Variants in ZNF420 observed in about 807,000 individuals in gnomAD.
ZNF420 encodes the protein ATM and p53-associated KZNF protein.
A neutral mutation model predicts 44.7 loss-of-function variants in ZNF420; 31 were observed. The observed-to-expected ratio is 0.69, with a 90% CI of 0.52 to 0.94. The LOEUF (loss-of-function observed/expected upper bound fraction) is 0.94. Ranked by LOEUF, ZNF420 falls within the 40% of genes least tolerant of loss-of-function variation. The pLI is 0.00. For synonymous variants in ZNF420, 245 were observed against 267.4 expected, an observed-to-expected ratio of 0.92 and a Z score of 0.82; for missense variants, 681 against 827.9, an observed-to-expected ratio of 0.82 and a Z score of 2.18.
chr19:37,075,289 TTC>T, upstream of ZNF420: 1 of 152,342 alleles, frequency 6.6e-6, no homozygotes, highest in Non-Finnish European at 1.5e-5. Context: ...TACTATTCCC[TTC>T]TCTCTGCAGT....
intron 1 of ZNF420, among the ~76,000 whole-genome samples, chr19:37,051,204 G>A (rs1967633310): frequency 6.6e-6 from 1 of 151,938 alleles, no homozygotes; most frequent in South Asian, 2.1e-4. Flanking sequence ...GTCTCTGCCA[G>A]GCTTTGGTAT....
chr19:37,034,997 G>A (rs961078801), intron 1 of ZNF420, among the ~76,000 whole-genome samples: 8 of 152,170 alleles, frequency 5.3e-5, no homozygotes, highest in Non-Finnish European at 1.0e-4. Flanking sequence ...GAAGACCCTC[G>A]CTTACCCTGA....
At chr19:37,012,443 G>A (rs371026422) in intron 1 of ZNF420, among the ~76,000 whole-genome samples, 4 of 152,192 alleles carry the variant, frequency 2.6e-5, no homozygotes, top group African/African-American at 9.7e-5. Flanking sequence ...CTTGGGTGTC[G>A]GGGCCCTGAG....
chr19:37,035,196 A>C (rs190735158), intron 1 of ZNF420, among the ~76,000 whole-genome samples: 25 of 152,296 alleles, frequency 1.6e-4, no homozygotes, highest in Admixed American at 1.6e-3. Context: ...AATTTTCGCC[A>C]ATCAAATAAT....
At chr19:37,057,649 C>T (rs1373470353) in intron 1 of ZNF420, among the ~76,000 whole-genome samples, 1 of 151,980 alleles carries the variant, frequency 6.6e-6, no homozygotes, top group Non-Finnish European at 1.5e-5. Flanking sequence ...GGTTGTCAAT[C>T]GTTTTCGTGG....
In ZNF420 at chr19:37,125,448, A is replaced by G. The variant is rs980822077; in HGVS notation, c.137-1680A>G. Among the ~76,000 whole-genome samples the G allele has an allele frequency of 9.9e-5, 15 of 152,282 alleles. 1 individual carries two copies. The South Asian group carries it at 1.7e-3, about 17-fold the overall frequency. ...TGGAGGTGCTTTTGTTTCTATGTGT[A>G]AGGAAGTTATAGGGAAACCACAGAT... On this transcript the variant is annotated intron_variant, in intron 4 of 4. Transcript: ENST00000337995.
intron 1 of ZNF420, among the ~76,000 whole-genome samples, chr19:37,055,528 G>T (rs1457839475): frequency 6.6e-6 from 1 of 152,190 alleles, no homozygotes; most frequent in Non-Finnish European, 1.5e-5. Context: ...ACTGCCACAG[G>T]AGCCCCCGTC....
rs1236266195 is a variant in ZNF420 at position 37,127,531 on chromosome 19, A to G, written c.540A>G (p.Ser180=). ...GCGGGAAGGCCTTTAGTCGTGATTC[A>G]CAACTCAGTCTTCATCAGAGACTTC... ...KQCGKAFSRD[S]QLSLHQRLHT... The change falls in exon 5 of 5, where the codon TCA becomes TCG. Residue 180 remains serine (S), a synonymous_variant. Transcript: ENST00000337995. The G allele has an allele frequency of 6.2e-7, 1 of 1,613,784 alleles. No individual in the cohort carries two copies. Among genetic ancestry groups the G allele is most frequent in the East Asian group, 2.2e-5 (1 of 44,878 alleles).
intron 2 of ZNF420, among the ~76,000 whole-genome samples, chr19:37,082,499 C>A (rs557194695): frequency 2.7e-4 from 41 of 152,254 alleles, no homozygotes; most frequent in African/African-American, 9.4e-4. Flanking sequence ...GTATTTAGTC[C>A]ATTTATATTT....
At chr19:37,031,811 C>T (rs1443665014) in intron 1 of ZNF420, among the ~76,000 whole-genome samples, 1 of 152,148 alleles carries the variant, frequency 6.6e-6, no homozygotes, top group Non-Finnish European at 1.5e-5. Flanking sequence ...TTTTCTCTTA[C>T]ATAATTGGAG....
chr19:37,038,132 A>G (rs985868094), intron 1 of ZNF420, among the ~76,000 whole-genome samples: 4 of 150,996 alleles, frequency 2.6e-5, no homozygotes, highest in Admixed American at 2.6e-4. Context: ...TCCGTCTCAA[A>G]AAAAAAAAAA....
rs1001656074 is a variant in ZNF420 at position 37,129,876 on chromosome 19, T to A, written c.*818T>A. 2.5e-5 allele frequency: 26 copies of A among 1,038,224 alleles called. No homozygotes were observed. In the African/African-American group the frequency reaches 3.4e-4, roughly 14 times the overall value. The allele number at this position is 1,038,224 out of a possible 1,614,324, so 64.3% of individuals were successfully genotyped here. A position where few individuals can be genotyped will look rare whatever the true frequency, so the allele number is the denominator to read the frequency against. ...AAGTCTAATAAATCTAGGAATTTTT[T>A]AAAAACTTGAATGTATTGCTTTTGA... On this transcript the variant is annotated 3_prime_UTR_variant, in exon 5 of 5. Transcript: ENST00000337995.
intron 4 of ZNF420, chr19:37,109,376 A>G (rs1970263199): frequency 6.6e-6 from 1 of 152,168 alleles, no homozygotes; most frequent in South Asian, 2.1e-4. Flanking sequence ...TCCTACAGGC[A>G]TGGGGAGACT....
At chr19:37,087,975 G>C (rs1243530426) in intron 2 of ZNF420, among the ~76,000 whole-genome samples, 2 of 152,098 alleles carry the variant, frequency 1.3e-5, no homozygotes, top group East Asian at 1.9e-4. Context: ...GTGAGGTCTC[G>C]GATCTAGGTT....
chr19:37,055,841 G>A (rs1412651563), intron 1 of ZNF420, among the ~76,000 whole-genome samples: 5 of 152,176 alleles, frequency 3.3e-5, no homozygotes, highest in Non-Finnish European at 5.9e-5. Flanking sequence ...AAAGCAGCGC[G>A]GAATTCCAGC....
At chr19:37,050,243 T>C (rs1967614810) in intron 1 of ZNF420, among the ~76,000 whole-genome samples, 1 of 152,208 alleles carries the variant, frequency 6.6e-6, no homozygotes, top group Non-Finnish European at 1.5e-5. Flanking sequence ...TTTTTTCCAA[T>C]TCTGTGAAAA....
intron 1 of ZNF420, among the ~76,000 whole-genome samples, chr19:37,024,277 C>T (rs1342638799): frequency 2.6e-5 from 4 of 152,072 alleles, no homozygotes; most frequent in African/African-American, 9.7e-5. Context: ...ATTGATTGAT[C>T]TCATGCCTCT....
intron 1 of ZNF420, among the ~76,000 whole-genome samples, chr19:37,065,416 T>C (rs1818748): frequency 0.52 from 78,403 of 152,068 alleles, 21,037 homozygotes; most frequent in African/African-American, 0.62. Context: ...TTCCCAACAC[T>C]TTCCCAGCTG....
At chr19:37,048,265 T>C (rs993001514) in intron 1 of ZNF420, among the ~76,000 whole-genome samples, 15 of 152,330 alleles carry the variant, frequency 9.8e-5, no homozygotes, top group African/African-American at 3.6e-4. Flanking sequence ...CTTAGAAGCA[T>C]CAGTAGGATG....
Sources: gnomAD v4.1 joint callset for allele counts (sites outside exome capture counted in the v4.1 genomes callset) on GRCh38, gnomAD v4.1.1 for gene constraint, MANE v1.5 for transcripts, NCBI Gene and HGNC (gene_info 2026-07-23, HGNC 2026-07-21) for gene names.